DAB1: variants seen among roughly 807,000 people sequenced by gnomAD.
The protein encoded by DAB1 is disabled homolog 1.
DAB1 carries 15 observed loss-of-function variants against 64.6 expected under a neutral mutation model. That is an observed-to-expected ratio of 0.23 (90% CI 0.16 to 0.36). The LOEUF is 0.36. Among genes scored for constraint, DAB1 ranks in the 10% least tolerant of loss-of-function variants. The probability of loss-of-function intolerance (pLI) is 1.00; values close to 1 mark genes in which losing one functional copy is unlikely to be tolerated. For synonymous variants in DAB1, 235 were observed against 251.9 expected (o/e 0.93, Z 0.64); for missense variants, 596 against 706.7 (o/e 0.84, Z 1.78).
intron 4 of DAB1, among the ~76,000 whole-genome samples, chr1:58,163,438 CACA>C (rs1281247699): frequency 6.6e-6 from 1 of 152,172 alleles, no homozygotes; most frequent in Admixed American, 6.5e-5. Flanking sequence ...CCTCTCTCTC[CACA>C]ACATCTATAA....
chr1:57,049,524 A>G (rs1648954431), intron 9 of DAB1, among the ~76,000 whole-genome samples: 1 of 147,836 alleles, frequency 6.8e-6, no homozygotes, highest in Non-Finnish European at 1.5e-5. Context: ...CAGAGCCTAC[A>G]GGGAGGAGAC....
chr1:58,008,162 A>G (rs1047891597), intron 5 of DAB1, among the ~76,000 whole-genome samples: 11 of 152,188 alleles, frequency 7.2e-5, no homozygotes, highest in Non-Finnish European at 1.3e-4. Context: ...ATTTATAGAT[A>G]AGAAATCTGA....
At chr1:57,813,042 C>T (rs990796473) in intron 6 of DAB1, among the ~76,000 whole-genome samples, 2 of 152,140 alleles carry the variant, frequency 1.3e-5, no homozygotes, top group Non-Finnish European at 2.9e-5. Flanking sequence ...AATACACACA[C>T]ATAAGAATAT....
intron 7 of DAB1, among the ~76,000 whole-genome samples, chr1:57,534,164 A>T (rs553240084): frequency 1.3e-5 from 2 of 152,212 alleles, no homozygotes; most frequent in Admixed American, 6.5e-5. Context: ...AAATGAAATT[A>T]TAGGACTGGA....
intron 6 of DAB1, among the ~76,000 whole-genome samples, chr1:57,765,433 T>C (rs1231242706): frequency 6.6e-6 from 1 of 152,222 alleles, no homozygotes; most frequent in African/African-American, 2.4e-5. Flanking sequence ...ATTTGCAGCT[T>C]CTAAATAAGC....
intron 4 of DAB1, among the ~76,000 whole-genome samples, chr1:58,310,206 G>A (rs1040462306): frequency 1.3e-5 from 2 of 152,138 alleles, no homozygotes; most frequent in African/African-American, 2.4e-5. Context: ...CTCTGACCTT[G>A]AGGAAAGACC....
intron 5 of DAB1, among the ~76,000 whole-genome samples, chr1:57,998,847 T>C (rs1646466910): frequency 6.6e-6 from 1 of 152,240 alleles, no homozygotes; most frequent in African/African-American, 2.4e-5. Context: ...CTTGTGGACA[T>C]TAGTAACAGA....
chr1:58,269,521 C>A (rs1661262119), intron 4 of DAB1, among the ~76,000 whole-genome samples: 1 of 100,804 alleles, frequency 9.9e-6, no homozygotes, highest in South Asian at 3.3e-4. Flanking sequence ...GATTTATAGT[C>A]ATTTGGGTAT....
At chr1:57,286,660 GCATTT>G (rs1672339685) in intron 2 of DAB1, among the ~76,000 whole-genome samples, 1 of 152,114 alleles carries the variant, frequency 6.6e-6, no homozygotes, top group Non-Finnish European at 1.5e-5. Flanking sequence ...ATATTATTCA[GCATTT>G]CATTCCTACC....
At chr1:57,699,095 G>C (rs1646878759) in intron 6 of DAB1, among the ~76,000 whole-genome samples, 1 of 152,012 alleles carries the variant, frequency 6.6e-6, no homozygotes, top group Non-Finnish European at 1.5e-5. Context: ...ATGCCACCAT[G>C]CTCTGCTAAG....
chr1:57,638,553 TCTC>T (rs1646088111), intron 7 of DAB1, among the ~76,000 whole-genome samples: 1 of 152,156 alleles, frequency 6.6e-6, no homozygotes, highest in East Asian at 1.9e-4. Context: ...TTTAACCTCA[TCTC>T]AATAATCTGT....
At chr1:57,353,114 TACACACACACACACACACAC>T (rs10572319) in intron 1 of DAB1, among the ~76,000 whole-genome samples, 1 of 145,540 alleles carries the variant, frequency 6.9e-6, no homozygotes. Flanking sequence ...TTTTTTTCCA[TACACACACACACACACACAC>T]ACACACACAC....
chr1:57,091,999 G>A (rs1211538093), intron 4 of DAB1, among the ~76,000 whole-genome samples: 1 of 152,162 alleles, frequency 6.6e-6, no homozygotes, highest in Non-Finnish European at 1.5e-5. Flanking sequence ...ATGCATCATT[G>A]ACTCTCTCTT....
chr1:57,764,108 C>T (rs2101821604), intron 6 of DAB1, among the ~76,000 whole-genome samples: 1 of 152,222 alleles, frequency 6.6e-6, no homozygotes, highest in South Asian at 2.1e-4. Flanking sequence ...GGGCACAAAG[C>T]CAGCCATGGG....
rs1462272198 is a variant in DAB1, at chr1:57,438,252, T to C, written n.626-147086A>G. 5.9e-5 allele frequency among the ~76,000 whole-genome samples: 9 copies of C among 152,280 alleles called. No individual in the cohort carries two copies. The South Asian group carries it at 1.9e-3, about 32-fold the overall frequency. ...AAAAAAAAATTACCTGTTTTCCTGC[T>C]AATAATAATTTGCATGTGTAGTTCC... On this transcript the variant is annotated intron_variant and non_coding_transcript_variant, in intron 7 of 20. Transcript: ENST00000485760.
intron 3 of DAB1, among the ~76,000 whole-genome samples, chr1:58,347,137 C>T (rs758972785): frequency 1.3e-4 from 20 of 152,078 alleles, no homozygotes; most frequent in South Asian, 2.1e-4. Flanking sequence ...GACAAAGTTT[C>T]GCTCTTGTTG....
At chr1:57,456,743 G>T (rs1034912752) in intron 7 of DAB1, among the ~76,000 whole-genome samples, 1 of 152,094 alleles carries the variant, frequency 6.6e-6, no homozygotes, top group African/African-American at 2.4e-5. Flanking sequence ...ACAGTGTGAT[G>T]CCTTTCTAAG....
At chr1:58,170,431 G>T (rs1213432677) in intron 4 of DAB1, among the ~76,000 whole-genome samples, 1 of 152,142 alleles carries the variant, frequency 6.6e-6, no homozygotes, top group East Asian at 1.9e-4. Flanking sequence ...TACCCAATCA[G>T]CCGCAGATAT....
At chr1:57,936,652 C>T (rs1003390633) in intron 5 of DAB1, among the ~76,000 whole-genome samples, 3 of 152,100 alleles carry the variant, frequency 2.0e-5, no homozygotes, top group Non-Finnish European at 4.4e-5. Context: ...ATCCATTTGC[C>T]TCAGCCTCCC....
Sources: allele counts gnomAD v4.1 joint callset (sites outside exome capture counted in the v4.1 genomes callset), GRCh38; gene constraint gnomAD v4.1.1; transcripts MANE v1.5; gene names NCBI Gene and HGNC (gene_info 2026-07-23, HGNC 2026-07-21).